The following KAZN variants were observed in gnomAD, a reference collection of about 807,000 sequenced individuals.
KAZN encodes kazrin, periplakin interacting protein, also known as kazrin.
Under a neutral mutation model 87.4 loss-of-function variants are expected in KAZN, and 40 were observed. That is an observed-to-expected ratio of 0.46 (90% CI 0.36 to 0.60). KAZN has a LOEUF of 0.60. Ranked by LOEUF, KAZN falls within the 20% of genes least tolerant of loss-of-function variation. KAZN has a pLI of 0.00. For missense variants in KAZN, 898 were observed against 1,073.9 expected, an observed-to-expected ratio of 0.84 and a Z score of 2.29; for synonymous variants, 466 against 458.3, an observed-to-expected ratio of 1.02 and a Z score of -0.22.
intron 1 of KAZN, among the ~76,000 whole-genome samples, chr1:13,916,463 C>G (rs960258294): frequency 6.6e-6 from 1 of 152,116 alleles, no homozygotes; most frequent in Non-Finnish European, 1.5e-5. Context: ...GGTAGGTGCT[C>G]AAAGACTGCT....
chr1:14,690,413 C>T (rs948987854), intron 1 of KAZN, among the ~76,000 whole-genome samples: 29 of 152,162 alleles, frequency 1.9e-4, no homozygotes, highest in African/African-American at 6.5e-4. Context: ...TATGTATTCA[C>T]GCTGCAGACC....
chr1:13,949,447 A>C (rs1181218253), intron 1 of KAZN, among the ~76,000 whole-genome samples: 1 of 152,194 alleles, frequency 6.6e-6, no homozygotes, highest in Non-Finnish European at 1.5e-5. Flanking sequence ...AAAAATGATA[A>C]GGCTTCTCAA....
intron 2 of KAZN, among the ~76,000 whole-genome samples, chr1:14,581,836 G>A (rs1675570227): frequency 6.6e-6 from 1 of 152,088 alleles, no homozygotes; most frequent in South Asian, 2.1e-4. Flanking sequence ...CACCTTACTG[G>A]ATAAGTCAGG....
chr1:14,301,872 C>G (rs1384820498), intron 2 of KAZN, among the ~76,000 whole-genome samples: 3 of 152,152 alleles, frequency 2.0e-5, no homozygotes, highest in African/African-American at 7.2e-5. Context: ...ACTACTCTAC[C>G]AAAGGCAGGA....
In KAZN at chr1:13,973,169, T is replaced by C. The variant is rs572283521; in HGVS notation, c.91+79413T>C. Among the ~76,000 whole-genome samples, 3 of 152,276 alleles carry C rather than the reference T, an allele frequency of 2.0e-5. No individual in the cohort carries two copies. The South Asian group carries it at 6.2e-4, about 32-fold the overall frequency. Reference sequence around the variant, plus strand: ...TAAAACAGTGATCTGGCATTCACATTATTCCAGACGATGTACTAAGTTCTC... The same window carrying C: ...TAAAACAGTGATCTGGCATTCACATCATTCCAGACGATGTACTAAGTTCTC... On this transcript the variant is annotated intron_variant, in intron 1 of 16. Transcript: ENST00000636203.
intron 1 of KAZN, among the ~76,000 whole-genome samples, chr1:14,841,391 G>A (rs868504168): frequency 1.9e-4 from 21 of 112,916 alleles, no homozygotes; most frequent in Middle Eastern, 0.01. Context: ...GGGCGACAGA[G>A]CAAGACTCCG....
intron 1 of KAZN, among the ~76,000 whole-genome samples, chr1:14,694,428 TGCCTTCA>T (rs1207242042): frequency 2.0e-5 from 3 of 152,270 alleles, no homozygotes; most frequent in African/African-American, 7.2e-5. Context: ...ACTATCTCCA[TGCCTTCA>T]GCTGTCTGTG....
intron 2 of KAZN, among the ~76,000 whole-genome samples, chr1:14,557,887 C>T (rs1370057382): frequency 2.6e-5 from 4 of 151,612 alleles, no homozygotes; most frequent in Non-Finnish European, 4.4e-5. Context: ...GACTGGTTGA[C>T]TCCAAAGTAG....
intron 1 of KAZN, among the ~76,000 whole-genome samples, chr1:14,004,821 T>C (rs1373706220): frequency 6.6e-6 from 1 of 152,122 alleles, no homozygotes; most frequent in Non-Finnish European, 1.5e-5. Flanking sequence ...AGGTCTCTGT[T>C]CTCAGGAATG....
At chr1:14,848,675 C>G (rs528669983) in intron 1 of KAZN, among the ~76,000 whole-genome samples, 1 of 152,138 alleles carries the variant, frequency 6.6e-6, no homozygotes, top group African/African-American at 2.4e-5. Flanking sequence ...TCAGTAAGAC[C>G]GACAGTTCCA....
intron 2 of KAZN, among the ~76,000 whole-genome samples, chr1:15,011,601 A>G (rs569437100): frequency 3.6e-4 from 55 of 152,316 alleles, no homozygotes; most frequent in African/African-American, 1.2e-3. Context: ...GATTACTGCT[A>G]AAGACTTGAA....
chr1:14,390,592 G>A (rs903340641), intron 2 of KAZN: 1 of 152,282 alleles, frequency 6.6e-6, no homozygotes, highest in African/African-American at 2.4e-5. Flanking sequence ...GTAAACACCA[G>A]AGTAGCTGGA....
intron 2 of KAZN, among the ~76,000 whole-genome samples, chr1:14,397,917 G>A (rs1413352996): frequency 1.3e-5 from 2 of 150,674 alleles, no homozygotes; most frequent in Non-Finnish European, 2.9e-5. Context: ...CTGAGATAAG[G>A]CTTCACGAGT....
chr1:14,338,465 A>G lies in KAZN; in HGVS notation c.249+157873A>G, dbSNP rs145854334. On this transcript the variant is annotated intron_variant, in intron 2 of 16. Coordinates refer to the KAZN transcript ENST00000636203. ...GTGCCACTGCACTCCAGCCTGGGCA[A>G]CAGAATGAGACTCCATCTTAGAGAA... Among the ~76,000 whole-genome samples, 1,017 of 148,504 alleles carry G rather than the reference A, an allele frequency of 6.8e-3. 14 individuals carry two copies. Among genetic ancestry groups the G allele is most frequent in the African/African-American group, 0.024 (969 of 39,670 alleles).
intron 1 of KAZN, among the ~76,000 whole-genome samples, chr1:14,067,974 T>C (rs1191227293): frequency 6.6e-6 from 1 of 152,176 alleles, no homozygotes; most frequent in East Asian, 1.9e-4. Context: ...TTGGCCTGAA[T>C]TGTGACACAC....
At chr1:14,905,811 C>G (rs973165649) in intron 1 of KAZN, among the ~76,000 whole-genome samples, 2 of 150,464 alleles carry the variant, frequency 1.3e-5, no homozygotes, top group South Asian at 4.2e-4. Flanking sequence ...CCACTGCACT[C>G]CAGCCTGGGC....
intron 13 of KAZN, among the ~76,000 whole-genome samples, chr1:15,107,172 C>T (rs1290890563): frequency 1.3e-5 from 2 of 152,166 alleles, no homozygotes; most frequent in East Asian, 3.9e-4. Context: ...AAAAGCCACC[C>T]TCCACAGTCA....
intron 2 of KAZN, among the ~76,000 whole-genome samples, chr1:14,975,630 TA>T (rs1278407911): frequency 1.3e-5 from 2 of 152,246 alleles, no homozygotes; most frequent in African/African-American, 2.4e-5. Flanking sequence ...ATGCATGGAA[TA>T]TAAATTCCAC....
intron 2 of KAZN, among the ~76,000 whole-genome samples, chr1:14,426,636 C>G (rs1665746365): frequency 6.6e-6 from 1 of 152,142 alleles, no homozygotes; most frequent in South Asian, 2.1e-4. Context: ...CTTTCTGATA[C>G]CCAACCTGAG....
Sources: allele counts gnomAD v4.1 joint callset (sites outside exome capture counted in the v4.1 genomes callset), GRCh38; gene constraint gnomAD v4.1.1; transcripts MANE v1.5; gene names NCBI Gene and HGNC (gene_info 2026-07-23, HGNC 2026-07-21).